The following ATXN1 variants were observed in gnomAD, a reference collection of about 807,000 sequenced individuals.
The protein encoded by ATXN1 is ataxin 1, also known as ataxin-1.
ATXN1 carries 8 observed loss-of-function variants against 56.4 expected under a neutral mutation model. The ratio of observed to expected loss-of-function variants is 0.14; its 90% confidence interval spans 0.08 to 0.26. ATXN1 has a LOEUF of 0.26. Among genes scored for constraint, ATXN1 ranks in the 10% least tolerant of loss-of-function variants. ATXN1 has a pLI of 1.00. For missense variants in ATXN1, 987 were observed against 1,106.5 expected (o/e 0.89, Z 1.53); for synonymous variants, 514 against 494.6 (o/e 1.04, Z -0.52).
At chr6:16,537,301 G>A (rs932278393) in intron 4 of ATXN1, among the ~76,000 whole-genome samples, 2 of 152,042 alleles carry the variant, frequency 1.3e-5, no homozygotes, top group African/African-American at 2.4e-5. Flanking sequence ...CTCGCCAACC[G>A]CCACAGGATA....
Position 16,306,678 on chromosome 6 carries a change from G to C in ATXN1, c.2099C>G (p.Pro700Arg). Reference sequence around the variant, plus strand: ...CAGCAGGACGCTGGCGGGATCCACGGGCTGGCCCTTTTTAACAGAGCCGTT... The same window carrying C: ...CAGCAGGACGCTGGCGGGATCCACGCGCTGGCCCTTTTTAACAGAGCCGTT... ...LKNGSVKKGQ[P>R]VDPASVLLKH... Residue 700 changes from proline (P) to arginine (R), a missense_variant, in exon 8 of 8, where the codon CCC becomes CGC. Physicochemically the swap from Pro to Arg is moderately radical, Grantham distance 103. Coordinates refer to ENST00000436367, the MANE Select transcript of ATXN1 (RefSeq NM_001128164.2). The surrounding 1 kb of genome is among the most constrained non-coding windows in gnomAD (Gnocchi z 5.2). 1 of 1,614,220 alleles carries C rather than the reference G, an allele frequency of 6.2e-7. No individual in the cohort carries two copies. Among genetic ancestry groups the C allele is most frequent in the Non-Finnish European group, 8.5e-7 (1 of 1,180,050 alleles).
intron 6 of ATXN1, among the ~76,000 whole-genome samples, chr6:16,332,159 C>T (rs931318065): frequency 1.3e-5 from 2 of 152,226 alleles, no homozygotes; most frequent in Admixed American, 1.3e-4. Flanking sequence ...TTTACCAGTG[C>T]AGCACGGAGC....
rs1247574772 is a variant in ATXN1, at chr6:16,303,557, G to A, written c.*2772C>T. 6.5e-6 allele frequency: 1 copy of A among 152,674 alleles called. No individual in the cohort carries two copies. Among genetic ancestry groups the A allele is most frequent in the Non-Finnish European group, 1.5e-5 (1 of 68,056 alleles). The allele number at this position is 152,674 out of a possible 1,614,324, so 9.5% of individuals were successfully genotyped here. On this transcript the variant is annotated 3_prime_UTR_variant, in exon 8 of 8. Coordinates refer to ENST00000436367, the MANE Select transcript of ATXN1 (RefSeq NM_001128164.2). The surrounding 1 kb of genome is among the most constrained non-coding windows in gnomAD (Gnocchi z 4.3). ...TATTGGCACAGAAAGTATTGCACAT[G>A]CTAAAAAAGCAAGAGAATGAAATGG...
chr6:16,384,914 T>C (rs1758207759), intron 6 of ATXN1, among the ~76,000 whole-genome samples: 1 of 152,226 alleles, frequency 6.6e-6, no homozygotes, highest in Non-Finnish European at 1.5e-5. Context: ...CTAATACATC[T>C]GTATCCAGTG....
chr6:16,373,156 G>C (rs1162843526), intron 6 of ATXN1, among the ~76,000 whole-genome samples: 4 of 152,142 alleles, frequency 2.6e-5, no homozygotes, highest in Admixed American at 2.0e-4. Flanking sequence ...GAACATGTCT[G>C]CCTGAGACTC....
intron 5 of ATXN1, among the ~76,000 whole-genome samples, chr6:16,496,050 C>T (rs1179966862): frequency 6.6e-6 from 1 of 152,138 alleles, no homozygotes; most frequent in Non-Finnish European, 1.5e-5. Context: ...TCTTTTTGGT[C>T]TACTTGTTTT....
chr6:16,562,488 A>AGGAGAGGAG (rs1762141430), intron 4 of ATXN1, among the ~76,000 whole-genome samples: 5 of 116,974 alleles, frequency 4.3e-5, no homozygotes, highest in Non-Finnish European at 6.6e-5. Context: ...GAGGAGAGGA[A>AGGAGAGGAG]AGGAAAGGAA....
At chr6:16,640,356 T>C (rs1763685622) in intron 3 of ATXN1, among the ~76,000 whole-genome samples, 1 of 152,160 alleles carries the variant, frequency 6.6e-6, no homozygotes, top group South Asian at 2.1e-4. Flanking sequence ...TCTCTCTCCC[T>C]CCTCTCGGGC....
chr6:16,490,402 T>G (rs1760637158), intron 5 of ATXN1, among the ~76,000 whole-genome samples: 1 of 152,198 alleles, frequency 6.6e-6, no homozygotes, highest in African/African-American at 2.4e-5. Context: ...CAAATGGCTG[T>G]CCTCTCTCTT....
At chr6:16,325,113 C>T (rs1233323765) in intron 7 of ATXN1, among the ~76,000 whole-genome samples, 1 of 132,346 alleles carries the variant, frequency 7.6e-6, no homozygotes, top group Non-Finnish European at 1.6e-5. Flanking sequence ...GGCTGCCTTC[C>T]ATCTGTTTTT....
At chr6:16,602,701 C>T (rs1447778015) in intron 3 of ATXN1, among the ~76,000 whole-genome samples, 3 of 152,196 alleles carry the variant, frequency 2.0e-5, no homozygotes, top group Non-Finnish European at 2.9e-5. Flanking sequence ...CCACCCGCTT[C>T]GGCCTCCCAA....
rs1760017270 is a variant in ATXN1, at chr6:16,299,188, TAA to T, written c.*7139_*7140del. The T allele has an allele frequency of 6.6e-6, 1 of 152,662 alleles. No homozygotes were observed. Among genetic ancestry groups the T allele is most frequent in the Non-Finnish European group, 1.5e-5 (1 of 68,032 alleles). The allele number at this position is 152,662 out of a possible 1,614,324, so 9.5% of individuals were successfully genotyped here. A position where few individuals can be genotyped will look rare whatever the true frequency, so the allele number is the denominator to read the frequency against. On this transcript the variant is annotated 3_prime_UTR_variant, in exon 8 of 8. Transcript: ENST00000436367. The stretch of plus-strand genomic sequence containing the variant: ...TGTACTGGTATACAGACAATTTATT[TAA>T]AACAATTTTGTTCAAATTTTGAATC...
chr6:16,362,431 G>A (rs913813626), intron 6 of ATXN1, among the ~76,000 whole-genome samples: 16 of 152,198 alleles, frequency 1.1e-4, no homozygotes, highest in Middle Eastern at 3.4e-3. Flanking sequence ...GTCTTCTCAC[G>A]CTCACACTCC....
chr6:16,397,334 G>A lies in ATXN1; in HGVS notation c.-160-68864C>T, dbSNP rs139214412. 8.3e-4 allele frequency among the ~76,000 whole-genome samples: 127 copies of A among 152,140 alleles called. 2 individuals are homozygous for A. The East Asian group carries it at 0.022, about 26-fold the overall frequency. On this transcript the variant is annotated intron_variant, in intron 6 of 7. Coordinates refer to ENST00000436367, the MANE Select transcript of ATXN1 (RefSeq NM_001128164.2). Reference sequence around the variant, plus strand: ...CATCCAGGCTGGAGTGCAATGGCACGATCTTGGCTCACTGCAACCTCCACC... The same window carrying A: ...CATCCAGGCTGGAGTGCAATGGCACAATCTTGGCTCACTGCAACCTCCACC...
chr6:16,569,490 G>A (rs236952), intron 4 of ATXN1, among the ~76,000 whole-genome samples: 17,732 of 142,816 alleles, frequency 0.12, 2,344 homozygotes, highest in African/African-American at 0.34. Flanking sequence ...TCACACCACT[G>A]CACTCCAGCC....
intron 2 of ATXN1, among the ~76,000 whole-genome samples, chr6:16,712,829 A>G (rs749622750): frequency 6.6e-6 from 1 of 151,948 alleles, no homozygotes; most frequent in Non-Finnish European, 1.5e-5. Context: ...AGTAACTGCC[A>G]TTCGCCATTT....
intron 7 of ATXN1, among the ~76,000 whole-genome samples, chr6:16,317,982 T>G (rs965986788): frequency 1.3e-5 from 2 of 152,228 alleles, no homozygotes; most frequent in Admixed American, 6.5e-5. Context: ...AAGAAAAATT[T>G]TAGCTCCTCT....
intron 2 of ATXN1, among the ~76,000 whole-genome samples, chr6:16,708,338 A>C (rs930317099): frequency 6.6e-6 from 1 of 152,066 alleles, no homozygotes; most frequent in Non-Finnish European, 1.5e-5. Flanking sequence ...AGAAATAAAT[A>C]AATAAAAATG....
intron 7 of ATXN1, among the ~76,000 whole-genome samples, chr6:16,308,604 T>C (rs910945954): frequency 6.6e-6 from 1 of 152,088 alleles, no homozygotes; most frequent in African/African-American, 2.4e-5. Context: ...CACTGTCCCT[T>C]AGAGGAGACA....
Sources: allele counts gnomAD v4.1 joint callset (sites outside exome capture counted in the v4.1 genomes callset), GRCh38; gene constraint gnomAD v4.1.1; non-coding constraint Gnocchi (gnomAD v3.1); transcripts MANE v1.5; gene names NCBI Gene and HGNC (gene_info 2026-07-23, HGNC 2026-07-21).